The following THSD7A variants were observed in gnomAD, a reference collection of about 807,000 sequenced individuals.
THSD7A encodes thrombospondin type-1 domain-containing protein 7A.
THSD7A carries 96 observed loss-of-function variants against 231.3 expected under a neutral mutation model. That is an observed-to-expected ratio of 0.41 (90% CI 0.35 to 0.49). The LOEUF is 0.49. Ranked by LOEUF, THSD7A falls within the 20% of genes least tolerant of loss-of-function variation. The probability of loss-of-function intolerance (pLI) is 0.05; values close to 1 mark genes in which losing one functional copy is unlikely to be tolerated. For missense variants in THSD7A, 2,290 were observed against 2,070.2 expected, an observed-to-expected ratio of 1.11 and a Z score of -2.06; for synonymous variants, 940 against 743.3, an observed-to-expected ratio of 1.26 and a Z score of -4.30.
In THSD7A at chr7:11,371,219, AATT is replaced by A. The variant is rs1344535888; in HGVS notation, c.*4572_*4574del. 10 of 152,318 alleles carry A rather than the reference AATT, an allele frequency of 6.6e-5. No homozygotes were observed. Among genetic ancestry groups the A allele is most frequent in the South Asian group, 6.2e-4 (3 of 4,830 alleles). The allele number at this position is 152,318 out of a possible 1,614,324, so 9.4% of individuals were successfully genotyped here. On this transcript the variant is annotated 3_prime_UTR_variant, in exon 28 of 28. Coordinates refer to ENST00000423059, the MANE Select transcript of THSD7A (RefSeq NM_015204.3). ...TTTTCATTGTCCCTGCTAGATATAA[AATT>A]ATTATAACACACTGCAAACCATCCT...
At position 11,375,082 on chromosome 7, in the gene THSD7A, A is replaced by G. The variant is rs924080544; in HGVS notation, c.*712T>C. ...AAACGTATTGTATTAACACAAGTAA[A>G]TTAGTTTTCCAGACAATTACCACTA... On this transcript the variant is annotated 3_prime_UTR_variant, in exon 28 of 28. Transcript: ENST00000423059. 2.0e-4 allele frequency: 31 copies of G among 152,060 alleles called. No homozygotes were observed. The highest frequency in any genetic ancestry group is 7.2e-4 in the African/African-American group (30 of 41,422). The allele number at this position is 152,060 out of a possible 1,614,324, so 9.4% of individuals were successfully genotyped here.
intron 1 of THSD7A, among the ~76,000 whole-genome samples, chr7:11,639,379 T>C (rs757939859): frequency 2.0e-5 from 3 of 152,128 alleles, no homozygotes; most frequent in Non-Finnish European, 2.9e-5. Context: ...TTATTAATAG[T>C]TGTGATTGGG....
In THSD7A at chr7:11,411,785, G is replaced by C. The variant is rs149404841; in HGVS notation, c.3683-463C>G. On this transcript the variant is annotated intron_variant, in intron 18 of 27. Transcript: ENST00000423059. The surrounding 1 kb of genome is among the most constrained non-coding windows in gnomAD (Gnocchi z 4.1). ...ATTTAGAATGCAAGAAAATGCATAC[G>C]TTTATTAAAGTGATAAAAATCACTT... Among the ~76,000 whole-genome samples, 1 of 151,972 alleles carries C rather than the reference G, an allele frequency of 6.6e-6. No individual in the cohort carries two copies. Among genetic ancestry groups the C allele is most frequent in the East Asian group, 1.9e-4 (1 of 5,194 alleles).
chr7:11,705,296 G>A (rs1050324349), intron 1 of THSD7A, among the ~76,000 whole-genome samples: 2 of 150,906 alleles, frequency 1.3e-5, no homozygotes, highest in African/African-American at 2.4e-5. Flanking sequence ...AAAAGCAAGA[G>A]TAAGTTACCT....
At chr7:11,389,644 A>T (rs149063206) in intron 23 of THSD7A, among the ~76,000 whole-genome samples, 2,051 of 151,978 alleles carry the variant, frequency 0.013, 97 homozygotes, top group Admixed American at 0.084. Flanking sequence ...ATTGTTATGT[A>T]TGAATATGAT....
At chr7:11,531,138 C>CCTTG in intron 6 of THSD7A, among the ~76,000 whole-genome samples, 1 of 152,076 alleles carries the variant, frequency 6.6e-6, no homozygotes, top group Admixed American at 6.6e-5. Context: ...TCAAGGATTC[C>CCTTG]AACATCTCCA....
chr7:11,379,474 G>A, intron 25 of THSD7A, 156 bp downstream of exon 25: 1 of 871,996 alleles, frequency 1.1e-6, no homozygotes, highest in Non-Finnish European at 1.8e-6. Flanking sequence ...GAAAGCAAGT[G>A]AAGTCAGGAC....
chr7:11,462,531 C>T (rs1455659063), intron 9 of THSD7A, among the ~76,000 whole-genome samples: 3 of 152,140 alleles, frequency 2.0e-5, no homozygotes, highest in Admixed American at 6.6e-5. Context: ...TCACATGGGA[C>T]TCATACACAT....
Position 11,375,762 on chromosome 7 carries a change from C to A in THSD7A, c.*32G>T, listed in dbSNP as rs746118673. On this transcript the variant is annotated 3_prime_UTR_variant, in exon 28 of 28. Coordinates refer to ENST00000423059, the MANE Select transcript of THSD7A (RefSeq NM_015204.3). ...CTGGACATCTATGAAGTCAGAAAGCCGAAACTGGTTGTTGCCAGGAAAAGT... is the reference window on the plus strand; with the variant it reads ...CTGGACATCTATGAAGTCAGAAAGCAGAAACTGGTTGTTGCCAGGAAAAGT... 3.8e-5 allele frequency: 61 copies of A among 1,596,414 alleles called. No homozygotes were observed. In the East Asian group the frequency reaches 1.3e-3, roughly 33 times the overall value.
chr7:11,462,265 T>G, intron 9 of THSD7A, 122 bp from the exon 10 acceptor site: 1 of 1,042,280 alleles, frequency 9.6e-7, no homozygotes, highest in Non-Finnish European at 1.3e-6. Flanking sequence ...CCTGAGAGGC[T>G]TCACCTGGTC....
rs185518235 is a variant in THSD7A at position 11,694,890 on chromosome 7, G to A, written c.191-57929C>T. On this transcript the variant is annotated intron_variant, in intron 1 of 27. Coordinates refer to ENST00000423059, the MANE Select transcript of THSD7A (RefSeq NM_015204.3). ...TGGAAGACAATTCCACATAAACGTA[G>A]CATATCTCTTTCATATTGTAATGAT... 1.0e-3 allele frequency among the ~76,000 whole-genome samples: 154 copies of A among 151,598 alleles called. 1 individual carries two copies. The highest frequency in any genetic ancestry group is 3.6e-3 in the African/African-American group (149 of 41,450).
At chr7:11,602,350 A>G (rs73676042) in intron 2 of THSD7A, among the ~76,000 whole-genome samples, 4,257 of 152,092 alleles carry the variant, frequency 0.028, 103 homozygotes, top group African/African-American at 0.068. Context: ...ATTTTTCAAT[A>G]CCCCAAACCT....
At chr7:11,574,523 C>T (rs1405226338) in intron 4 of THSD7A, among the ~76,000 whole-genome samples, 1 of 151,622 alleles carries the variant, frequency 6.6e-6, no homozygotes, top group African/African-American at 2.4e-5. Flanking sequence ...CAAGCTCCAC[C>T]TCCCGGGTTC....
chr7:11,518,123 T>C (rs1193493148), intron 6 of THSD7A, among the ~76,000 whole-genome samples: 2 of 152,180 alleles, frequency 1.3e-5, no homozygotes, highest in Non-Finnish European at 2.9e-5. Flanking sequence ...GTCTAGGGCA[T>C]AGTAGGTATT....
At chr7:11,780,523 G>C (rs996376105) in intron 1 of THSD7A, among the ~76,000 whole-genome samples, 8 of 152,070 alleles carry the variant, frequency 5.3e-5, no homozygotes, top group African/African-American at 1.9e-4. Flanking sequence ...TCAGCCGACA[G>C]CCAGCTCTAA....
At chr7:11,447,122 C>T in intron 12 of THSD7A, 108 bp downstream of exon 12, 1 of 1,005,058 alleles carries the variant, frequency 9.9e-7, no homozygotes, top group Non-Finnish European at 1.5e-6. Flanking sequence ...CATCTAAATC[C>T]ATTGGCATAT....
intron 6 of THSD7A, among the ~76,000 whole-genome samples, chr7:11,491,651 CA>C (rs1237866210): frequency 6.6e-6 from 1 of 152,070 alleles, no homozygotes; most frequent in Non-Finnish European, 1.5e-5. Flanking sequence ...AAGAGTTAAT[CA>C]ATACAATCAC....
chr7:11,831,958 C>T lies in THSD7A; in HGVS notation c.-12G>A. On this transcript the variant is annotated 5_prime_UTR_variant, in exon 1 of 28. Transcript: ENST00000423059. The surrounding 1 kb of genome is among the most constrained non-coding windows in gnomAD (Gnocchi z 5.0). Reference sequence around the variant, plus strand: ...GCTTGCAGCCCCATGCCGCCTGCAGCCACTCCAGGGTCCAGAGCCGTAGCA... The same window carrying T: ...GCTTGCAGCCCCATGCCGCCTGCAGTCACTCCAGGGTCCAGAGCCGTAGCA... 8.1e-7 allele frequency: 1 copy of T among 1,231,192 alleles called. No individual in the cohort carries two copies. Among genetic ancestry groups the T allele is most frequent in the Non-Finnish European group, 1.0e-6 (1 of 989,344 alleles). 76.3% of individuals were successfully genotyped at this position (1,231,192 alleles called of 1,614,324 possible). A position where few individuals can be genotyped will look rare whatever the true frequency, so the allele number is the denominator to read the frequency against.
chr7:11,790,686 TTTTA>T (rs1431536330), intron 1 of THSD7A, among the ~76,000 whole-genome samples: 2 of 144,998 alleles, frequency 1.4e-5, no homozygotes, highest in African/African-American at 2.9e-5. Flanking sequence ...TATGAAATGA[TTTTA>T]TTTGAGAAAT....
Sources: allele counts gnomAD v4.1 joint callset (sites outside exome capture counted in the v4.1 genomes callset), GRCh38; gene constraint gnomAD v4.1.1; non-coding constraint Gnocchi (gnomAD v3.1); transcripts MANE v1.5; gene names NCBI Gene and HGNC (gene_info 2026-07-23, HGNC 2026-07-21).